The following NIPA2 variants were observed in gnomAD, a reference collection of about 807,000 sequenced individuals.
NIPA2 encodes the protein NIPA magnesium transporter 2.
In NIPA2, 11 loss-of-function variants were observed where a neutral mutation model predicts 29.7. The observed-to-expected ratio is 0.37, with a 90% CI of 0.23 to 0.61. The LOEUF (loss-of-function observed/expected upper bound fraction) is 0.61. Among genes scored for constraint, NIPA2 ranks in the 20% least tolerant of loss-of-function variants. The pLI, the probability that NIPA2 is intolerant of heterozygous loss-of-function variation, is 0.66. For synonymous variants in NIPA2, 183 were observed against 161.9 expected, an observed-to-expected ratio of 1.13 and a Z score of -0.99; for missense variants, 426 against 437.9, an observed-to-expected ratio of 0.97 and a Z score of 0.24.
chr15:22,846,667 G>A (rs372384525), intron 3 of NIPA2, among the ~76,000 whole-genome samples: 24 of 151,628 alleles, frequency 1.6e-4, no homozygotes, highest in African/African-American at 3.4e-4. Context: ...ACCAAAATTA[G>A]CCAGGTGGTG....
In NIPA2 at chr15:22,858,399, A is replaced by T. The variant is rs1185912561; in HGVS notation, c.197-141A>T. On this transcript the variant is annotated intron_variant, in intron 5 of 7. Transcript: ENST00000337451. Reference sequence around the variant, plus strand: ...ACAGAGTGAGACTCCGTCTCAAAAAAATAAAAATAATAAATTGGAAAAATA... The same window carrying T: ...ACAGAGTGAGACTCCGTCTCAAAAATATAAAAATAATAAATTGGAAAAATA... 4 of 496,748 alleles carry T rather than the reference A, an allele frequency of 8.1e-6. No homozygotes were observed. The Admixed American group carries it at 1.5e-4, about 19-fold the overall frequency. 30.8% of individuals were successfully genotyped at this position (496,748 alleles called of 1,614,324 possible). A position where few individuals can be genotyped will look rare whatever the true frequency, so the allele number is the denominator to read the frequency against.
At chr15:22,858,407 TA>T (rs2058363070) in intron 5 of NIPA2, 132 bp from the exon 6 acceptor site, 1 of 516,814 alleles carries the variant, frequency 1.9e-6, no homozygotes, top group South Asian at 2.8e-5. Flanking sequence ...AAAATAAAAA[TA>T]ATAAATTGGA....
chr15:22,856,117 CA>C (rs1283994049), intron 5 of NIPA2, among the ~76,000 whole-genome samples: 1 of 152,140 alleles, frequency 6.6e-6, no homozygotes, highest in Non-Finnish European at 1.5e-5. Context: ...GAGAGCTCCC[CA>C]GGCTCTCACT....
Position 22,848,509 on chromosome 15 carries a change from C to A in NIPA2, c.-93-3130C>A, listed in dbSNP as rs74967243. Among the ~76,000 whole-genome samples the A allele has an allele frequency of 8.5e-5, 13 of 152,124 alleles. No homozygotes were observed. The East Asian group carries it at 2.3e-3, about 27-fold the overall frequency. ...TCCTGGTGTGTACCACTGTATCTGGCTGTTTTTAAGGGCTAATTATGAATT... is the reference window on the plus strand; with the variant it reads ...TCCTGGTGTGTACCACTGTATCTGGATGTTTTTAAGGGCTAATTATGAATT... On this transcript the variant is annotated intron_variant, in intron 3 of 7. Coordinates refer to ENST00000337451, the MANE Select transcript of NIPA2 (RefSeq NM_030922.7).
chr15:22,849,814 A>G (rs2057590681), intron 3 of NIPA2, among the ~76,000 whole-genome samples: 1 of 152,038 alleles, frequency 6.6e-6, no homozygotes, highest in East Asian at 1.9e-4. Flanking sequence ...CACCAGCCTC[A>G]GCCTCCCAAA....
chr15:22,842,220 G>A (rs1897280143), intron 2 of NIPA2, among the ~76,000 whole-genome samples: 1 of 152,112 alleles, frequency 6.6e-6, no homozygotes, highest in African/African-American at 2.4e-5. Flanking sequence ...ATATAAGCAA[G>A]CCACATGTTC....
At chr15:22,851,570 A>G (rs2141222324) in intron 3 of NIPA2, 69 bp from the exon 4 acceptor site, 3 of 430,054 alleles carry the variant, frequency 7.0e-6, no homozygotes, top group South Asian at 7.9e-5. Flanking sequence ...AAATGGAGTA[A>G]AATTTTGAAT....
chr15:22,852,928 C>A (rs1399369602), intron 4 of NIPA2, among the ~76,000 whole-genome samples: 10 of 152,176 alleles, frequency 6.6e-5, no homozygotes, highest in African/African-American at 1.7e-4. Flanking sequence ...CTATGGGGTT[C>A]AGTGGACAGA....
At chr15:22,863,739 G>A (rs1042676511) in intron 7 of NIPA2, among the ~76,000 whole-genome samples, 5 of 152,152 alleles carry the variant, frequency 3.3e-5, no homozygotes, top group African/African-American at 1.2e-4. Flanking sequence ...AGCTTAGGCC[G>A]GTGTTGATTG....
chr15:22,863,459 C>T (rs1056805606), intron 7 of NIPA2, among the ~76,000 whole-genome samples: 7 of 152,152 alleles, frequency 4.6e-5, no homozygotes, highest in Admixed American at 2.0e-4. Flanking sequence ...GGCCCCTCCA[C>T]CTGAGAAACT....
intron 3 of NIPA2, among the ~76,000 whole-genome samples, chr15:22,847,250 T>G (rs1899009974): frequency 6.6e-6 from 1 of 152,028 alleles, no homozygotes; most frequent in African/African-American, 2.4e-5. Flanking sequence ...TAGATAAACC[T>G]GACTTTTTTC....
rs551445239 is a variant in NIPA2, at chr15:22,858,136, G to A, written c.197-404G>A. Among the ~76,000 whole-genome samples the A allele has an allele frequency of 1.9e-3, 289 of 152,226 alleles. 1 individual carries two copies. The highest frequency in any genetic ancestry group is 6.7e-3 in the African/African-American group (279 of 41,538). ...AGGCTGGGCGCAGTGGCTCACGCCTGTAATCCCAGCACTTTGGGAGGCCGA... is the reference window on the plus strand; with the variant it reads ...AGGCTGGGCGCAGTGGCTCACGCCTATAATCCCAGCACTTTGGGAGGCCGA... On this transcript the variant is annotated intron_variant, in intron 5 of 7. Transcript: ENST00000337451.
intron 4 of NIPA2, among the ~76,000 whole-genome samples, chr15:22,852,671 C>G (rs1311321371): frequency 6.6e-6 from 1 of 152,050 alleles, no homozygotes; most frequent in Non-Finnish European, 1.5e-5. Context: ...GTCACAAGAC[C>G]CTGCGGGGTA....
At chr15:22,857,828 C>T (rs1314571455) in intron 5 of NIPA2, among the ~76,000 whole-genome samples, 1 of 116,436 alleles carries the variant, frequency 8.6e-6, no homozygotes, top group East Asian at 2.5e-4. Context: ...TAGAGCAAGA[C>T]TCCATCTCAA....
Position 22,866,229 on chromosome 15 carries a change from AACCC to A in NIPA2, c.466_469del (p.Thr156LeufsTer7). 6.2e-7 allele frequency: 1 copy of A among 1,612,040 alleles called. No homozygotes were observed. Among genetic ancestry groups the A allele is most frequent in the Non-Finnish European group, 8.5e-7 (1 of 1,178,220 alleles). ...CTCCTCCAGGTTTTGTGGTCTTTGC[AACCC>A]TTGTGGTCATTGTGGCCTTGATATT... On this transcript the variant is annotated frameshift_variant, in exon 8 of 8. Coordinates refer to ENST00000337451, the MANE Select transcript of NIPA2 (RefSeq NM_030922.7). LOFTEE classifies it high-confidence loss of function.
chr15:22,848,663 T>C (rs1004910936), intron 3 of NIPA2, among the ~76,000 whole-genome samples: 1 of 148,446 alleles, frequency 6.7e-6, no homozygotes, highest in Non-Finnish European at 1.5e-5. Flanking sequence ...CCATCTCTAC[T>C]AAAAATACAA....
At chr15:22,844,247 T>A (rs1270545520) in intron 2 of NIPA2, among the ~76,000 whole-genome samples, 4 of 152,308 alleles carry the variant, frequency 2.6e-5, no homozygotes, top group Middle Eastern at 3.4e-3. Flanking sequence ...TTACAAATAT[T>A]AGTAAAATCA....
At position 22,863,806 on chromosome 15, in the gene NIPA2, G is replaced by T. The variant is rs2058780497; in HGVS notation, c.449-2407G>T. 2.0e-5 allele frequency among the ~76,000 whole-genome samples: 3 copies of T among 152,198 alleles called. No individual in the cohort carries two copies. The South Asian group carries it at 6.2e-4, about 31-fold the overall frequency. ...AGTTGCCCCAAGGGAGAAGGCAGAG[G>T]TGAGTGTTGGGCTGATTCTTCTCTT... On this transcript the variant is annotated intron_variant, in intron 7 of 7. Coordinates refer to ENST00000337451, the MANE Select transcript of NIPA2 (RefSeq NM_030922.7).
intron 5 of NIPA2, among the ~76,000 whole-genome samples, chr15:22,853,605 AC>A (rs2057947313): frequency 6.6e-6 from 1 of 151,876 alleles, no homozygotes; most frequent in Non-Finnish European, 1.5e-5. Flanking sequence ...CAAACTCCTG[AC>A]CTCAGGTGAT....
Sources: allele counts gnomAD v4.1 joint callset (sites outside exome capture counted in the v4.1 genomes callset), GRCh38; gene constraint gnomAD v4.1.1; transcripts MANE v1.5; gene names NCBI Gene and HGNC (gene_info 2026-07-23, HGNC 2026-07-21).